NSUN6: variants seen among roughly 807,000 people sequenced by gnomAD.
The protein encoded by NSUN6 is NOP2/Sun RNA methyltransferase 6, also known as tRNA (cytosine(72)-C(5))-methyltransferase NSUN6.
Under a neutral mutation model 58.0 loss-of-function variants are expected in NSUN6, and 64 were observed. That is an observed-to-expected ratio of 1.10 (90% confidence interval 0.90 to 1.36). NSUN6 has a LOEUF of 1.36. NSUN6 is among the 40% of genes most tolerant of loss of function. The pLI is 0.00. For missense variants in NSUN6, 701 were observed against 550.1 expected, an observed-to-expected ratio of 1.27 and a Z score of -2.74; for synonymous variants, 231 against 193.9, an observed-to-expected ratio of 1.19 and a Z score of -1.59.
At chr10:18,581,307 C>T (rs2056893698) in intron 8 of NSUN6, among the ~76,000 whole-genome samples, 1 of 152,094 alleles carries the variant, frequency 6.6e-6, no homozygotes. Flanking sequence ...GTCATAAAGA[C>T]CTTGCTGATA....
chr10:18,596,333 AG>A lies in NSUN6; in HGVS notation c.658-7del. The A allele has an allele frequency of 6.4e-7, 1 of 1,551,816 alleles. No homozygotes were observed. The highest frequency in any genetic ancestry group is 8.9e-7 in the Non-Finnish European group (1 of 1,124,220). ...ACTAAGGCAGATGGCAAATTCTATA[AG>A]GAAAAAAATGTAATCGATTATCAAT... On this transcript the variant is annotated splice_region_variant and splice_polypyrimidine_tract_variant and intron_variant, in intron 6 of 10. Transcript: ENST00000377304.
At chr10:18,626,247 AC>A (rs911978959) in intron 3 of NSUN6, among the ~76,000 whole-genome samples, 10 of 151,906 alleles carry the variant, frequency 6.6e-5, no homozygotes, top group Non-Finnish European at 7.4e-5. Context: ...AAAAAAAAAA[AC>A]AGAAAAACTG....
intron 2 of NSUN6, among the ~76,000 whole-genome samples, chr10:18,645,303 G>A (rs963163167): frequency 3.3e-5 from 5 of 151,938 alleles, no homozygotes; most frequent in Non-Finnish European, 2.9e-5. Context: ...ATGGTTTAAT[G>A]TATATAAACT....
At chr10:18,573,876 T>G (rs1054988145) in intron 8 of NSUN6, among the ~76,000 whole-genome samples, 1 of 152,154 alleles carries the variant, frequency 6.6e-6, no homozygotes, top group East Asian at 1.9e-4. Flanking sequence ...TTAGGCTTAG[T>G]TGGATACTGC....
intron 1 of NSUN6, 70 bp from the exon 2 acceptor site, chr10:18,648,715 T>C: frequency 1.2e-6 from 1 of 819,272 alleles, no homozygotes; most frequent in Non-Finnish European, 2.0e-6. Flanking sequence ...TATATATTAA[T>C]TCCATCTAAT....
chr10:18,612,383 C>T (rs1035007965), intron 5 of NSUN6, among the ~76,000 whole-genome samples: 1 of 152,186 alleles, frequency 6.6e-6, no homozygotes, highest in African/African-American at 2.4e-5. Flanking sequence ...CATCACACCA[C>T]TCCAGCCTTA....
At chr10:18,610,640 G>A (rs1276055642) in intron 5 of NSUN6, among the ~76,000 whole-genome samples, 1 of 152,128 alleles carries the variant, frequency 6.6e-6, no homozygotes, top group Non-Finnish European at 1.5e-5. Context: ...GAGTGGCATT[G>A]AAAATGATCA....
chr10:18,640,253 G>A (rs532946053), intron 3 of NSUN6, among the ~76,000 whole-genome samples: 14 of 152,022 alleles, frequency 9.2e-5, no homozygotes, highest in Non-Finnish European at 1.6e-4. Context: ...GCACAGAGAC[G>A]GTCTATAAAA....
At chr10:18,611,382 A>G (rs1298085684) in intron 5 of NSUN6, among the ~76,000 whole-genome samples, 2 of 152,102 alleles carry the variant, frequency 1.3e-5, no homozygotes, top group African/African-American at 2.4e-5. Context: ...ATGCATCTAC[A>G]TGCATGTGTA....
At chr10:18,611,500 C>G (rs1234041065) in intron 5 of NSUN6, among the ~76,000 whole-genome samples, 1 of 152,094 alleles carries the variant, frequency 6.6e-6, no homozygotes, top group Non-Finnish European at 1.5e-5. Context: ...AATGGTATGA[C>G]TATAAACTCC....
chr10:18,655,118 T>A, upstream of NSUN6: 1 of 981,940 alleles, frequency 1.0e-6, no homozygotes, highest in Non-Finnish European at 1.2e-6. Context: ...AATCCAGCAG[T>A]CCAACTGTTG....
chr10:18,556,157 AGAATG>A (rs1373405027), intron 8 of NSUN6, among the ~76,000 whole-genome samples: 2 of 150,908 alleles, frequency 1.3e-5, no homozygotes, highest in African/African-American at 4.9e-5. Context: ...AATGGAATGG[AGAATG>A]GAATGGAATG....
chr10:18,637,469 T>C (rs1021109185), intron 3 of NSUN6, among the ~76,000 whole-genome samples: 1 of 152,274 alleles, frequency 6.6e-6, no homozygotes, highest in African/African-American at 2.4e-5. Flanking sequence ...ATCATCCATA[T>C]ATTTTAGAGA....
intron 2 of NSUN6, among the ~76,000 whole-genome samples, chr10:18,646,166 GC>G (rs2059540852): frequency 1.3e-5 from 2 of 152,260 alleles, no homozygotes; most frequent in South Asian, 4.1e-4. Context: ...CTGCACTCCA[GC>G]CTGAGCAACA....
chr10:18,652,630 G>C (rs1036629989), upstream of NSUN6: 9 of 881,352 alleles, frequency 1.0e-5, no homozygotes, highest in African/African-American at 1.5e-4. Context: ...GTGGGATCTC[G>C]ACTCACTGCA....
intron 7 of NSUN6, among the ~76,000 whole-genome samples, chr10:18,586,482 C>A (rs776711389): frequency 1.3e-5 from 2 of 149,202 alleles, no homozygotes; most frequent in African/African-American, 2.5e-5. Flanking sequence ...TTAAAGGTGG[C>A]GCGTCTGCAG....
intron 6 of NSUN6, among the ~76,000 whole-genome samples, chr10:18,604,111 G>C (rs944459129): frequency 3.3e-5 from 5 of 152,126 alleles, no homozygotes; most frequent in African/African-American, 1.2e-4. Flanking sequence ...GAACCTGGGA[G>C]GCGGAGGCTG....
upstream of NSUN6, chr10:18,655,308 G>T (rs1165648711): frequency 5.9e-6 from 1 of 169,042 alleles, no homozygotes; most frequent in Admixed American, 6.5e-5. Flanking sequence ...GCAGATTCCA[G>T]TTCTTGCAAC....
intron 8 of NSUN6, among the ~76,000 whole-genome samples, chr10:18,577,829 C>G (rs113934634): frequency 6.6e-6 from 1 of 152,196 alleles, no homozygotes; most frequent in Non-Finnish European, 1.5e-5. Flanking sequence ...CCCTGGCTCC[C>G]GCCAAACCAC....
Sources: allele counts gnomAD v4.1 joint callset (sites outside exome capture counted in the v4.1 genomes callset), GRCh38; gene constraint gnomAD v4.1.1; transcripts MANE v1.5; gene names NCBI Gene and HGNC (gene_info 2026-07-23, HGNC 2026-07-21).